ETV1: variants seen among roughly 807,000 people sequenced by gnomAD.
The protein encoded by ETV1 is ETS translocation variant 1.
Under a neutral mutation model 62.3 loss-of-function variants are expected in ETV1, and 27 were observed. The ratio of observed to expected loss-of-function variants is 0.43; its 90% CI spans 0.32 to 0.60. ETV1 has a LOEUF of 0.60. Among genes scored for constraint, ETV1 ranks in the 20% least tolerant of loss-of-function variants. The probability of loss-of-function intolerance (pLI) is 0.06; values close to 1 mark genes in which losing one functional copy is unlikely to be tolerated. For missense variants in ETV1, 605 were observed against 605.8 expected, an observed-to-expected ratio of 1.00 and a Z score of 0.01; for synonymous variants, 222 against 199.6, an observed-to-expected ratio of 1.11 and a Z score of -0.94.
chr7:13,911,600 T>C (rs898433324), intron 9 of ETV1, among the ~76,000 whole-genome samples: 2 of 152,196 alleles, frequency 1.3e-5, no homozygotes, highest in Admixed American at 1.3e-4. Context: ...TGAGATGGTG[T>C]CCTTGAAACA....
intron 9 of ETV1, among the ~76,000 whole-genome samples, chr7:13,914,741 T>C (rs550969488): frequency 2.0e-5 from 3 of 152,350 alleles, no homozygotes; most frequent in South Asian, 4.1e-4. Context: ...AAGTGCAGTA[T>C]TGAATTTGCA....
chr7:13,939,363 G>A, intron 6 of ETV1, 117 bp from the exon 7 acceptor site: 1 of 829,994 alleles, frequency 1.2e-6, no homozygotes, highest in Non-Finnish European at 1.8e-6. Flanking sequence ...ACTTACATAT[G>A]TAAGAAAAAT....
intron 10 of ETV1, chr7:13,910,511 C>A (rs992919573): frequency 5.2e-6 from 3 of 575,828 alleles, no homozygotes; most frequent in South Asian, 1.6e-4. Context: ...CCATCTCATA[C>A]TACCCTTTAA....
intron 6 of ETV1, among the ~76,000 whole-genome samples, chr7:13,948,227 A>G (rs1788396162): frequency 6.6e-6 from 1 of 152,190 alleles, no homozygotes; most frequent in South Asian, 2.1e-4. Context: ...CTCCTTCTAT[A>G]TGTGGACAGC....
chr7:13,977,913 C>T (rs1331796528), intron 5 of ETV1, among the ~76,000 whole-genome samples: 2 of 152,002 alleles, frequency 1.3e-5, no homozygotes, highest in African/African-American at 2.4e-5. Context: ...TTATCACACA[C>T]GTCTCTCTGC....
At chr7:13,918,075 A>G (rs111811393) in intron 9 of ETV1, among the ~76,000 whole-genome samples, 1,648 of 152,336 alleles carry the variant, frequency 0.011, 29 homozygotes, top group African/African-American at 0.036. Flanking sequence ...TTTCAATTTT[A>G]AATTTCTCTC....
At chr7:13,901,894 G>A (rs1414311597) in intron 12 of ETV1, among the ~76,000 whole-genome samples, 1 of 152,094 alleles carries the variant, frequency 6.6e-6, no homozygotes, top group African/African-American at 2.4e-5. Flanking sequence ...TTATTATGTG[G>A]CTTTGGAGGA....
At chr7:13,916,541 G>C (rs576355288) in intron 9 of ETV1, among the ~76,000 whole-genome samples, 1 of 152,248 alleles carries the variant, frequency 6.6e-6, no homozygotes, top group East Asian at 1.9e-4. Context: ...GGGAGGCTGA[G>C]GCAGGAGAAT....
Position 13,986,282 on chromosome 7 carries a change from C to T in ETV1, c.181+356G>A, listed in dbSNP as rs188363947. Reference sequence around the variant, plus strand: ...GCTCTAAAGGAAACAGCAAGCCAGCCGGGTTCTGGCTCTAGGAGGTCTCTG... The same window carrying T: ...GCTCTAAAGGAAACAGCAAGCCAGCTGGGTTCTGGCTCTAGGAGGTCTCTG... On this transcript the variant is annotated intron_variant, in intron 5 of 13. Coordinates refer to ENST00000430479, the MANE Select transcript of ETV1 (RefSeq NM_004956.5). 284 of 1,509,100 alleles carry T rather than the reference C, an allele frequency of 1.9e-4. 2 individuals carry two copies. The East Asian group carries it at 5.9e-3, about 31-fold the overall frequency. The allele number at this position is 1,509,100 out of a possible 1,614,324, so 93.5% of individuals were successfully genotyped here.
At chr7:13,988,049 TA>T (rs759455246) in intron 4 of ETV1, 36 bp downstream of exon 4, 6 of 1,231,182 alleles carry the variant, frequency 4.9e-6, no homozygotes, top group South Asian at 1.2e-5. Context: ...AGAGTGTAGG[TA>T]AAAAAATGGG....
rs1583584452 is a variant in ETV1, at chr7:13,908,003, T to C, written c.941-1404A>G. The C allele has an allele frequency of 2.2e-5, 8 of 370,152 alleles. No individual in the cohort carries two copies. In the East Asian group the frequency reaches 5.8e-4, roughly 27 times the overall value. 22.9% of individuals were successfully genotyped at this position (370,152 alleles called of 1,614,324 possible). On this transcript the variant is annotated intron_variant, in intron 11 of 13. Coordinates refer to ENST00000430479, the MANE Select transcript of ETV1 (RefSeq NM_004956.5). ...CAGTTTTTCCTTCTGAGATTTACAATGTTTTTTTTATGGGAGTAACTGAGT... is the reference window on the plus strand; with the variant it reads ...CAGTTTTTCCTTCTGAGATTTACAACGTTTTTTTTATGGGAGTAACTGAGT...
chr7:13,977,374 G>A (rs1215933667), intron 6 of ETV1, 53 bp downstream of exon 6: 1 of 1,230,968 alleles, frequency 8.1e-7, no homozygotes, highest in East Asian at 2.6e-5. Flanking sequence ...AAAGAAGAAA[G>A]AAGGAAACCA....
At chr7:13,930,824 G>A (rs531503217) in intron 9 of ETV1, among the ~76,000 whole-genome samples, 7 of 151,004 alleles carry the variant, frequency 4.6e-5, no homozygotes, top group South Asian at 4.2e-4. Flanking sequence ...TTTTTGAGAC[G>A]GAGTCTCTCT....
At chr7:13,959,599 T>C (rs1167109768) in intron 6 of ETV1, among the ~76,000 whole-genome samples, 1 of 152,102 alleles carries the variant, frequency 6.6e-6, no homozygotes, top group African/African-American at 2.4e-5. Context: ...AATGGTTTGT[T>C]CTGGCCGGGC....
At chr7:13,897,633 C>A (rs1781979621) in intron 13 of ETV1, among the ~76,000 whole-genome samples, 1 of 152,096 alleles carries the variant, frequency 6.6e-6, no homozygotes. Flanking sequence ...CAGCACAGAG[C>A]ACTGTGCCAG....
intron 7 of ETV1, among the ~76,000 whole-genome samples, chr7:13,938,497 A>G (rs1787073954): frequency 1.3e-5 from 2 of 152,242 alleles, no homozygotes; most frequent in African/African-American, 4.8e-5. Flanking sequence ...TTATGCAATT[A>G]AAGGCCAATA....
intron 12 of ETV1, among the ~76,000 whole-genome samples, chr7:13,901,428 AACAGGCT>A (rs1562585576): frequency 1.3e-5 from 2 of 152,224 alleles, no homozygotes; most frequent in Non-Finnish European, 2.9e-5. Context: ...AACAGGAATG[AACAGGCT>A]ACAGTTCACC....
At chr7:13,915,648 T>C (rs1220674003) in intron 9 of ETV1, among the ~76,000 whole-genome samples, 5 of 152,242 alleles carry the variant, frequency 3.3e-5, no homozygotes, top group African/African-American at 1.2e-4. Context: ...CCATCACGTA[T>C]ATGCCATACT....
chr7:13,922,144 T>C (rs771428919), intron 9 of ETV1, among the ~76,000 whole-genome samples: 16 of 152,168 alleles, frequency 1.1e-4, no homozygotes, highest in Non-Finnish European at 2.2e-4. Flanking sequence ...ATTATCTATA[T>C]TGAAATAATT....
Sources: allele counts gnomAD v4.1 joint callset (sites outside exome capture counted in the v4.1 genomes callset), GRCh38; gene constraint gnomAD v4.1.1; transcripts MANE v1.5; gene names NCBI Gene and HGNC (gene_info 2026-07-23, HGNC 2026-07-21).